Variants in CDCP2 observed in about 807,000 individuals in gnomAD.
CDCP2 encodes the protein CUB domain containing protein 2, also known as CUB domain-containing protein 2.
CDCP2 carries 31 observed loss-of-function variants against 31.0 expected under a neutral mutation model. The observed-to-expected ratio is 1.00, with a 90% CI of 0.75 to 1.35. The LOEUF (loss-of-function observed/expected upper bound fraction) is 1.35. CDCP2 is among the 40% of genes most tolerant of loss of function. CDCP2 has a pLI of 0.00. For synonymous variants in CDCP2, 206 were observed against 207.9 expected, an observed-to-expected ratio of 0.99 and a Z score of 0.08; for missense variants, 443 against 482.6, an observed-to-expected ratio of 0.92 and a Z score of 0.77.
intron 1 of CDCP2, among the ~76,000 whole-genome samples, chr1:54,148,459 C>A (rs1659513735): frequency 6.7e-6 from 1 of 148,246 alleles, no homozygotes; most frequent in African/African-American, 2.5e-5. Flanking sequence ...ACAAATAGAC[C>A]AGGCTAACAA....
chr1:54,146,470 G>A lies in CDCP2; in HGVS notation c.80-1657C>T, dbSNP rs181046711. ...GCTGGGATTATAGGCATGAGCCACC[G>A]CGCCCAGCCTGAGAGATATAAATTT... On this transcript the variant is annotated intron_variant, in intron 1 of 5. Transcript: ENST00000530059. Among the ~76,000 whole-genome samples, 9 of 151,946 alleles carry A rather than the reference G, an allele frequency of 5.9e-5. No individual in the cohort carries two copies. In the South Asian group the frequency reaches 8.3e-4, roughly 14 times the overall value.
intron 1 of CDCP2, among the ~76,000 whole-genome samples, chr1:54,148,670 T>C (rs943874795): frequency 1.3e-5 from 2 of 151,610 alleles, no homozygotes; most frequent in African/African-American, 4.9e-5. Context: ...GGAAGTTCTA[T>C]AAGATAAATG....
chr1:54,136,932 G>T (rs555238375), intron 4 of CDCP2, 124 bp from the exon 5 acceptor site: 21 of 397,896 alleles, frequency 5.3e-5, no homozygotes, highest in African/African-American at 4.3e-4. Context: ...AGTAGGAAAA[G>T]CTCTTACGGA....
At chr1:54,152,765 T>C in intron 1 of CDCP2, 79 bp downstream of exon 1, 2 of 1,377,342 alleles carry the variant, frequency 1.5e-6, no homozygotes, top group South Asian at 2.5e-5. Flanking sequence ...GCTTCCCATG[T>C]AGAAACTTCT....
chr1:54,133,217 C>T (rs972579495), exon 6 of CDCP2: 2 of 399,012 alleles, frequency 5.0e-6, no homozygotes, highest in South Asian at 2.5e-4. Context: ...GGACCTCGTA[C>T]TCATGGATGT....
At chr1:54,146,198 T>TA (rs60907704) in intron 1 of CDCP2, among the ~76,000 whole-genome samples, 2 of 140,014 alleles carry the variant, frequency 1.4e-5, no homozygotes, top group Admixed American at 1.4e-4. Context: ...TTTTTTTTTT[T>TA]ACGTGGAGTC....
exon 5 of CDCP2, chr1:54,136,672 G>T (rs1004015246): frequency 5.0e-6 from 2 of 399,046 alleles, no homozygotes; most frequent in African/African-American, 4.1e-5. Flanking sequence ...CCTGGATCCT[G>T]AGGTTGCCGC....
chr1:54,139,731 C>G, intron 4 of CDCP2, 22 bp downstream of exon 4: 4 of 1,614,204 alleles, frequency 2.5e-6, no homozygotes, highest in Non-Finnish European at 3.4e-6. Flanking sequence ...CTCAGTGGAC[C>G]CACTCCCACA....
intron 1 of CDCP2, among the ~76,000 whole-genome samples, chr1:54,150,415 T>C (rs562222820): frequency 6.6e-6 from 1 of 152,150 alleles, no homozygotes; most frequent in South Asian, 2.1e-4. Context: ...GCCAACATGG[T>C]GAAGCCCTGT....
intron 3 of CDCP2, chr1:54,140,577 C>T (rs1659350045): frequency 4.2e-6 from 1 of 235,940 alleles, no homozygotes; most frequent in African/African-American, 2.3e-5. Flanking sequence ...CCTTCTGCTT[C>T]CGTCTAACTC....
intron 1 of CDCP2, 134 bp from the exon 2 acceptor site, chr1:54,144,947 T>A: frequency 1.6e-6 from 1 of 632,172 alleles, no homozygotes; most frequent in Non-Finnish European, 2.8e-6. Flanking sequence ...GTTTATTTGC[T>A]CATGCATCTA....
Position 54,140,117 on chromosome 1 carries a change from G to A in CDCP2, c.764-11C>T, listed in dbSNP as rs749603887. 20 of 1,611,254 alleles carry A rather than the reference G, an allele frequency of 1.2e-5. No individual in the cohort carries two copies. Among genetic ancestry groups the A allele is most frequent in the South Asian group, 1.2e-4 (11 of 91,042 alleles). ...CCTCCTGGCATTCTCCTGGATGGGG[G>A]ATGGGGAGGTGGAAGGAGCAACAGT... is the stretch of plus-strand genomic sequence containing the variant. On this transcript the variant is annotated splice_polypyrimidine_tract_variant and intron_variant, in intron 3 of 5. Coordinates refer to ENST00000530059, the Ensembl canonical transcript of CDCP2.
chr1:54,133,913 C>CAAACAAACAAACAAAAAAA (rs748829165), intron 5 of CDCP2, among the ~76,000 whole-genome samples: 31 of 144,586 alleles, frequency 2.1e-4, no homozygotes, highest in South Asian at 4.6e-4. Context: ...AACAAACAAA[C>CAAACAAACAAACAAAAAAA]AAAAAAAACC....
In CDCP2 at chr1:54,144,457, C is replaced by G; in HGVS notation, c.427+9G>C. 1 of 1,559,130 alleles carries G rather than the reference C, an allele frequency of 6.4e-7. No individual in the cohort carries two copies. The highest frequency in any genetic ancestry group is 8.7e-7 in the Non-Finnish European group (1 of 1,150,144). ...CCACTGCAACAGGTCCCTAAGGCCCCCCGTTGACCTTTCTGGTAGCCCGCA... is the reference window on the plus strand; with the variant it reads ...CCACTGCAACAGGTCCCTAAGGCCCGCCGTTGACCTTTCTGGTAGCCCGCA... On this transcript the variant is annotated intron_variant, in intron 2 of 5. Transcript: ENST00000530059.
intron 5 of CDCP2, among the ~76,000 whole-genome samples, chr1:54,134,163 C>T (rs1013268291): frequency 4.6e-5 from 7 of 152,208 alleles, no homozygotes; most frequent in South Asian, 2.1e-4. Flanking sequence ...CCTGGAAGGG[C>T]GATGACTTGC....
chr1:54,141,573 CCCAA>C, intron 2 of CDCP2, 140 bp from the exon 3 acceptor site: 2 of 703,424 alleles, frequency 2.8e-6, no homozygotes, highest in South Asian at 2.0e-5. Context: ...GCACCTGCTA[CCCAA>C]GTAGCAAGTG....
intron 2 of CDCP2, 173 bp downstream of exon 2, chr1:54,144,293 G>T (rs1570066792): frequency 3.3e-6 from 2 of 605,744 alleles, no homozygotes; most frequent in Admixed American, 3.1e-5. Context: ...GACCCTGTAG[G>T]TCTCACCTGA....
chr1:54,132,936 C>G, downstream of CDCP2: 1 of 398,674 alleles, frequency 2.5e-6, no homozygotes. Flanking sequence ...GCCTCCCAGG[C>G]ATGTCAGATG....
At chr1:54,144,520 A>T in exon 2 of CDCP2, 1 of 1,608,284 alleles carries the variant, frequency 6.2e-7, no homozygotes, top group Non-Finnish European at 8.5e-7. Context: ...TCCGAGTGGA[A>T]GATGACAGAC....
Sources: allele counts gnomAD v4.1 joint callset (sites outside exome capture counted in the v4.1 genomes callset), GRCh38; gene constraint gnomAD v4.1.1; transcripts MANE v1.5; gene names NCBI Gene and HGNC (gene_info 2026-07-23, HGNC 2026-07-21).